ZBTB7C: variants seen among roughly 807,000 people sequenced by gnomAD.
The protein encoded by ZBTB7C is zinc finger and BTB domain containing 7C.
In ZBTB7C, 8 loss-of-function variants were observed where a neutral mutation model predicts 25.7. That is an observed-to-expected ratio of 0.31 (90% CI 0.18 to 0.56). The LOEUF (loss-of-function observed/expected upper bound fraction) is 0.56, where lower values mean the gene tolerates loss of function less well. ZBTB7C is among the 20% of genes least tolerant of loss of function. The pLI, the probability that ZBTB7C is intolerant of heterozygous loss-of-function variation, is 0.91. For missense variants in ZBTB7C, 824 were observed against 855.2 expected (o/e 0.96, Z 0.46); for synonymous variants, 394 against 369.0 (o/e 1.07, Z -0.78).
intron 2 of ZBTB7C, among the ~76,000 whole-genome samples, chr18:48,200,941 G>C (rs1163835226): frequency 6.6e-6 from 1 of 152,126 alleles, no homozygotes; most frequent in Admixed American, 6.5e-5. Flanking sequence ...GCCTGACCCT[G>C]GTCAGGATGA....
At chr18:48,262,252 A>G (rs1457964260) in intron 2 of ZBTB7C, among the ~76,000 whole-genome samples, 2 of 152,230 alleles carry the variant, frequency 1.3e-5, no homozygotes, top group African/African-American at 2.4e-5. Flanking sequence ...TCCCTGGCTC[A>G]TGGTCTACCC....
intron 3 of ZBTB7C, among the ~76,000 whole-genome samples, chr18:48,169,210 T>A (rs76217677): frequency 3.7e-4 from 57 of 152,334 alleles, no homozygotes; most frequent in Non-Finnish European, 4.4e-4. Flanking sequence ...CATTGTCCCA[T>A]CTTTTTGCAT....
chr18:48,319,546 T>C (rs1167139541), intron 2 of ZBTB7C, among the ~76,000 whole-genome samples: 1 of 152,130 alleles, frequency 6.6e-6, no homozygotes, highest in Non-Finnish European at 1.5e-5. Flanking sequence ...CATGCAATGG[T>C]GTAGGTGGAT....
intron 3 of ZBTB7C, among the ~76,000 whole-genome samples, chr18:48,056,415 C>G (rs2036917277): frequency 6.6e-6 from 1 of 151,986 alleles, no homozygotes; most frequent in Non-Finnish European, 1.5e-5. Context: ...TAGGAATAGC[C>G]AAGAAATTTT....
intron 3 of ZBTB7C, among the ~76,000 whole-genome samples, chr18:48,042,130 G>A (rs2036274711): frequency 6.6e-6 from 1 of 152,186 alleles, no homozygotes; most frequent in African/African-American, 2.4e-5. Flanking sequence ...GGCAGGTAGG[G>A]GCGTCCAAGG....
intron 2 of ZBTB7C, among the ~76,000 whole-genome samples, chr18:48,277,605 G>C (rs562079884): frequency 6.6e-6 from 1 of 152,326 alleles, no homozygotes; most frequent in East Asian, 1.9e-4. Context: ...CATGTGCAAG[G>C]TGCACATTTT....
At chr18:48,175,286 A>G (rs1022204628) in intron 3 of ZBTB7C, among the ~76,000 whole-genome samples, 1 of 152,190 alleles carries the variant, frequency 6.6e-6, no homozygotes, top group African/African-American at 2.4e-5. Context: ...TGTTGGTTGT[A>G]GTGATTTGGG....
chr18:48,182,093 C>A (rs1319465359), intron 3 of ZBTB7C, among the ~76,000 whole-genome samples: 1 of 152,172 alleles, frequency 6.6e-6, no homozygotes, highest in African/African-American at 2.4e-5. Flanking sequence ...AAGGAAACTC[C>A]ACCAATTTGA....
chr18:48,162,039 G>A (rs1599000680), intron 3 of ZBTB7C, among the ~76,000 whole-genome samples: 1 of 152,254 alleles, frequency 6.6e-6, no homozygotes, highest in East Asian at 1.9e-4. Flanking sequence ...GACCCGCACT[G>A]ACCCCGCAGG....
At position 48,226,048 on chromosome 18, in the gene ZBTB7C, A is replaced by ACACT. The variant is rs989044723; in HGVS notation, c.-78-40057_-78-40054dup. 2.0e-5 allele frequency among the ~76,000 whole-genome samples: 3 copies of ACACT among 152,144 alleles called. No homozygotes were observed. In the East Asian group the frequency reaches 5.8e-4, roughly 29 times the overall value. ...AAGCCACCGCGCCCAGCCTGAGGAA[A>ACACT]CACTTCCTTAAGGATGGGAGAGACA... On this transcript the variant is annotated intron_variant, in intron 2 of 4. Transcript: ENST00000590800.
chr18:48,141,553 C>T lies in ZBTB7C; in HGVS notation c.-17+44381G>A, dbSNP rs535604457. On this transcript the variant is annotated intron_variant, in intron 3 of 4. Coordinates refer to ENST00000590800, the MANE Select transcript of ZBTB7C (RefSeq NM_001318841.2). ...AAATTCTTCCATTGTAGAGAAAATTCGTGAACTGGGCGGGGGGGAAAGTAA... is the reference window on the plus strand; with the variant it reads ...AAATTCTTCCATTGTAGAGAAAATTTGTGAACTGGGCGGGGGGGAAAGTAA... Among the ~76,000 whole-genome samples, 6 of 151,454 alleles carry T rather than the reference C, an allele frequency of 4.0e-5. No homozygotes were observed. In the East Asian group the frequency reaches 7.7e-4, roughly 20 times the overall value.
chr18:48,348,430 A>G (rs957561276), intron 1 of ZBTB7C, among the ~76,000 whole-genome samples: 1 of 152,168 alleles, frequency 6.6e-6, no homozygotes, highest in African/African-American at 2.4e-5. Context: ...CTTCACTGCC[A>G]CACTTCCCTG....
At chr18:48,367,324 G>GCA (rs1555752108) in intron 1 of ZBTB7C, among the ~76,000 whole-genome samples, 4 of 113,552 alleles carry the variant, frequency 3.5e-5, no homozygotes, top group African/African-American at 1.4e-4. Flanking sequence ...ATATATGTGT[G>GCA]TATATATATA....
chr18:48,095,242 C>T (rs1309673968), intron 3 of ZBTB7C, among the ~76,000 whole-genome samples: 1 of 152,142 alleles, frequency 6.6e-6, no homozygotes, highest in Non-Finnish European at 1.5e-5. Context: ...ATGGCAAGCA[C>T]GATGGCCATT....
intron 1 of ZBTB7C, among the ~76,000 whole-genome samples, chr18:48,377,133 G>A (rs12971246): frequency 0.28 from 41,827 of 152,064 alleles, 7,078 homozygotes; most frequent in East Asian, 0.7. Context: ...TGGGGGAGGC[G>A]ATGCTCTGGC....
chr18:48,240,742 T>G (rs927287257), intron 2 of ZBTB7C, among the ~76,000 whole-genome samples: 7 of 151,986 alleles, frequency 4.6e-5, no homozygotes, highest in Non-Finnish European at 1.0e-4. Flanking sequence ...AAATAGAACC[T>G]CCTTAAAGCA....
intron 3 of ZBTB7C, among the ~76,000 whole-genome samples, chr18:48,088,507 T>C (rs1421419637): frequency 1.3e-5 from 2 of 152,186 alleles, no homozygotes; most frequent in African/African-American, 4.8e-5. Flanking sequence ...ATCAAGTGGT[T>C]CCATTTTGGC....
At chr18:48,033,715 C>T (rs1055005867) in intron 4 of ZBTB7C, among the ~76,000 whole-genome samples, 5 of 152,196 alleles carry the variant, frequency 3.3e-5, no homozygotes, top group African/African-American at 1.2e-4. Flanking sequence ...ACCTTGAAAA[C>T]ACTGATCTAA....
At chr18:48,342,589 G>T (rs997562248) in intron 1 of ZBTB7C, among the ~76,000 whole-genome samples, 1 of 152,234 alleles carries the variant, frequency 6.6e-6, no homozygotes, top group Non-Finnish European at 1.5e-5. Flanking sequence ...CGGCAGGAGG[G>T]ACGGGAAAGC....
Sources: allele counts gnomAD v4.1 joint callset (sites outside exome capture counted in the v4.1 genomes callset), GRCh38; gene constraint gnomAD v4.1.1; transcripts MANE v1.5; gene names NCBI Gene and HGNC (gene_info 2026-07-23, HGNC 2026-07-21).